Variants in MCFD2 observed in about 807,000 individuals in gnomAD.
MCFD2 encodes multiple coagulation factor deficiency protein 2.
A neutral mutation model predicts 12.8 loss-of-function variants in MCFD2; 11 were observed. That is an observed-to-expected ratio of 0.86 (90% CI 0.54 to 1.42). The LOEUF (loss-of-function observed/expected upper bound fraction) is 1.42, where lower values mean the gene tolerates loss of function less well. Ranked by LOEUF, MCFD2 falls within the 40% of genes most tolerant of loss-of-function variation. The probability of loss-of-function intolerance (pLI) is 0.00; values close to 1 mark genes in which losing one functional copy is unlikely to be tolerated. For synonymous variants in MCFD2, 70 were observed against 68.1 expected, an observed-to-expected ratio of 1.03 and a Z score of -0.14; for missense variants, 191 against 178.6, an observed-to-expected ratio of 1.07 and a Z score of -0.40.
chr2:46,926,568 A>C (rs373056531), intron 1 of MCFD2, among the ~76,000 whole-genome samples: 8 of 152,302 alleles, frequency 5.3e-5, no homozygotes, highest in African/African-American at 1.7e-4. Context: ...TGAGTTGAGA[A>C]ACTCTCAAGC....
chr2:46,917,450 G>A (rs567226788), upstream of MCFD2, among the ~76,000 whole-genome samples: 1 of 152,130 alleles, frequency 6.6e-6, no homozygotes, highest in African/African-American at 2.4e-5. Flanking sequence ...CCCTCCCTTT[G>A]TTCATTTATT....
rs888654276 is a variant in MCFD2 at position 46,902,781 on chromosome 2, C to G, written c.*2682G>C. The G allele has an allele frequency of 6.6e-6, 1 of 152,206 alleles. No homozygotes were observed. The highest frequency in any genetic ancestry group is 2.4e-5 in the African/African-American group (1 of 41,446). 9.4% of individuals were successfully genotyped at this position (152,206 alleles called of 1,614,324 possible). On this transcript the variant is annotated 3_prime_UTR_variant, in exon 4 of 4. Coordinates refer to ENST00000319466, the MANE Select transcript of MCFD2 (RefSeq NM_139279.6). ...CAAGTAATCATTTAGGCCAGGGGAA[C>G]TTTACAGAATACTGACCATGTTTGC... is the stretch of plus-strand genomic sequence containing the variant.
intron 1 of MCFD2, among the ~76,000 whole-genome samples, chr2:46,938,398 C>T (rs1052544450): frequency 1.7e-4 from 26 of 151,998 alleles, no homozygotes; most frequent in Non-Finnish European, 3.5e-4. Context: ...TAATCCTCAA[C>T]ACAACTTCCC....
Position 46,941,589 on chromosome 2 carries a change from G to C in MCFD2, c.-25C>G. ...GCTCCTACCTGAAGGTGGAGAGCGA[G>C]CTGGAGCGCTGCCGCGCCGAGGGCC... On this transcript the variant is annotated 5_prime_UTR_variant, in exon 1 of 3. Transcript: ENST00000409147. This position sits in a 1 kb window ranked among gnomAD's most constrained non-coding sequence, Gnocchi z 4.2. 1 of 1,557,254 alleles carries C rather than the reference G, an allele frequency of 6.4e-7. No homozygotes were observed. The highest frequency in any genetic ancestry group is 1.2e-5 in the South Asian group (1 of 84,476).
intron 1 of MCFD2, among the ~76,000 whole-genome samples, chr2:46,925,735 TA>T (rs1256350324): frequency 6.6e-6 from 1 of 152,194 alleles, no homozygotes; most frequent in Non-Finnish European, 1.5e-5. Context: ...GCAACATTAA[TA>T]ATTGATTCTG....
intron 1 of MCFD2, among the ~76,000 whole-genome samples, chr2:46,921,393 C>A (rs1374703092): frequency 6.6e-6 from 1 of 152,116 alleles, no homozygotes; most frequent in Non-Finnish European, 1.5e-5. Context: ...GCTTAAAATA[C>A]CATTATAATA....
chr2:46,914,101 T>A (rs972412899), intron 1 of MCFD2: 1 of 152,330 alleles, frequency 6.6e-6, no homozygotes, highest in African/African-American at 2.4e-5. Context: ...ACCTGGCTCA[T>A]CGCTGAATCA....
chr2:46,926,488 C>T (rs1288834355), intron 1 of MCFD2, among the ~76,000 whole-genome samples: 6 of 152,142 alleles, frequency 3.9e-5, no homozygotes, highest in Non-Finnish European at 1.5e-5. Flanking sequence ...AGGAAGACTT[C>T]CCTCTATGAT....
intron 1 of MCFD2, among the ~76,000 whole-genome samples, chr2:46,923,833 A>C (rs1669239625): frequency 6.6e-6 from 1 of 152,052 alleles, no homozygotes; most frequent in Non-Finnish European, 1.5e-5. Flanking sequence ...CCCAGGTTCA[A>C]GCAAATCTCT....
intron 1 of MCFD2, among the ~76,000 whole-genome samples, chr2:46,935,075 A>C (rs1325427663): frequency 6.6e-6 from 1 of 152,118 alleles, no homozygotes; most frequent in African/African-American, 2.4e-5. Context: ...TGGGGATTAC[A>C]GGTGTGAGCC....
intron 1 of MCFD2, among the ~76,000 whole-genome samples, chr2:46,933,194 A>G (rs1669802515): frequency 6.6e-6 from 1 of 152,188 alleles, no homozygotes; most frequent in Non-Finnish European, 1.5e-5. Context: ...AGAAGCCACT[A>G]ACAAGAATTA....
Position 46,907,453 on chromosome 2 carries a change from T to G in MCFD2, c.309+357A>C. 1 of 317,208 alleles carries G rather than the reference T, an allele frequency of 3.2e-6. No individual in the cohort carries two copies. Among genetic ancestry groups the G allele is most frequent in the Non-Finnish European group, 6.1e-6 (1 of 162,976 alleles). 19.6% of individuals were successfully genotyped at this position (317,208 alleles called of 1,614,324 possible). On this transcript the variant is annotated intron_variant, in intron 3 of 3. Transcript: ENST00000319466. The surrounding 1 kb of genome is among the most constrained non-coding windows in gnomAD (Gnocchi z 4.1). ...AGGCTGAAGTGCGGTGGCATGATTATGGCTCACTATAGCCTCGACATCCTG... is the reference window on the plus strand; with the variant it reads ...AGGCTGAAGTGCGGTGGCATGATTAGGGCTCACTATAGCCTCGACATCCTG...
intron 1 of MCFD2, among the ~76,000 whole-genome samples, chr2:46,913,152 T>A (rs1668551568): frequency 6.6e-6 from 1 of 152,202 alleles, no homozygotes; most frequent in East Asian, 1.9e-4. Context: ...TTTGAACTTG[T>A]CTCATTTTGG....
At chr2:46,906,398 G>A (rs886654327) in intron 3 of MCFD2, among the ~76,000 whole-genome samples, 4 of 151,722 alleles carry the variant, frequency 2.6e-5, no homozygotes, top group African/African-American at 9.7e-5. Flanking sequence ...CACTCACCTG[G>A]CTAACTTTGC....
chr2:46,917,085 G>A, upstream of MCFD2: 2 of 677,104 alleles, frequency 3.0e-6, no homozygotes, highest in Non-Finnish European at 2.7e-6. Flanking sequence ...TGCCATTGAC[G>A]GTCTCATTCC....
intron 1 of MCFD2, among the ~76,000 whole-genome samples, chr2:46,923,958 A>G (rs1164787892): frequency 6.6e-6 from 1 of 151,294 alleles, no homozygotes; most frequent in African/African-American, 2.4e-5. Context: ...CTGGTCTCGA[A>G]CTCCTGACCT....
At chr2:46,939,990 G>A (rs1056142889) in intron 1 of MCFD2, among the ~76,000 whole-genome samples, 1 of 152,136 alleles carries the variant, frequency 6.6e-6, no homozygotes, top group East Asian at 1.9e-4. Context: ...AGGAAATCCT[G>A]CCCACCAAAC....
chr2:46,928,066 A>G (rs1240329623), intron 1 of MCFD2, among the ~76,000 whole-genome samples: 1 of 150,932 alleles, frequency 6.6e-6, no homozygotes, highest in Non-Finnish European at 1.5e-5. Context: ...TAGTTTTTGC[A>G]TTTTTTGTAG....
At position 46,905,210 on chromosome 2, in the gene MCFD2, A is replaced by G. The variant is rs1668168255; in HGVS notation, c.*253T>C. On this transcript the variant is annotated 3_prime_UTR_variant, in exon 4 of 4. Coordinates refer to ENST00000319466, the MANE Select transcript of MCFD2 (RefSeq NM_139279.6). Reference sequence around the variant, plus strand: ...ACGTCTTTATCAGCAGCATTAATACAGACTAATACAGATGCTTGAAGCAAG... The same window carrying G: ...ACGTCTTTATCAGCAGCATTAATACGGACTAATACAGATGCTTGAAGCAAG... 2.1e-6 allele frequency: 1 copy of G among 486,320 alleles called. No homozygotes were observed. Among genetic ancestry groups the G allele is most frequent in the African/African-American group, 2.0e-5 (1 of 51,204 alleles). 30.1% of individuals were successfully genotyped at this position (486,320 alleles called of 1,614,324 possible). A position where few individuals can be genotyped will look rare whatever the true frequency, so the allele number is the denominator to read the frequency against.
Sources: gnomAD v4.1 joint callset for allele counts (sites outside exome capture counted in the v4.1 genomes callset) on GRCh38, gnomAD v4.1.1 for gene constraint, Gnocchi (gnomAD v3.1) non-coding constraint, MANE v1.5 for transcripts, NCBI Gene and HGNC (gene_info 2026-07-23, HGNC 2026-07-21) for gene names.